The following ANKH variants were observed in gnomAD, a reference collection of about 807,000 sequenced individuals.
ANKH encodes the protein ANKH inorganic pyrophosphate transport regulator, also known as mineralization regulator ANKH.
Under a neutral mutation model 49.0 loss-of-function variants are expected in ANKH, and 15 were observed. That is an observed-to-expected ratio of 0.31 (90% CI 0.20 to 0.47). The LOEUF is 0.47. Ranked by LOEUF, ANKH falls within the 20% of genes least tolerant of loss-of-function variation. ANKH has a pLI of 1.00. For synonymous variants in ANKH, 273 were observed against 260.0 expected (o/e 1.05, Z -0.48); for missense variants, 429 against 652.0 (o/e 0.66, Z 3.72).
At chr5:14,746,944 A>G (rs1403917828) in intron 6 of ANKH, among the ~76,000 whole-genome samples, 1 of 152,188 alleles carries the variant, frequency 6.6e-6, no homozygotes, top group Non-Finnish European at 1.5e-5. Flanking sequence ...ACCCAGGTCC[A>G]CCTGACTCCA....
chr5:14,811,967 T>A (rs916093276), intron 1 of ANKH, among the ~76,000 whole-genome samples: 1 of 152,122 alleles, frequency 6.6e-6, no homozygotes, highest in Admixed American at 6.5e-5. Flanking sequence ...CTTTTAGAAG[T>A]CTGAATGTAG....
intron 1 of ANKH, among the ~76,000 whole-genome samples, chr5:14,822,978 G>A (rs1473891772): frequency 6.6e-6 from 1 of 151,562 alleles, no homozygotes; most frequent in Non-Finnish European, 1.5e-5. Flanking sequence ...AGCTTGCAGT[G>A]AGCCGAGATC....
At chr5:14,815,525 G>A (rs1184398383) in intron 1 of ANKH, among the ~76,000 whole-genome samples, 1 of 152,202 alleles carries the variant, frequency 6.6e-6, no homozygotes, top group East Asian at 1.9e-4. Context: ...TATGGATGAT[G>A]TGGAGGTCCA....
intron 1 of ANKH, among the ~76,000 whole-genome samples, chr5:14,800,409 G>A (rs1029526169): frequency 8.5e-5 from 13 of 152,228 alleles, no homozygotes; most frequent in African/African-American, 2.7e-4. Flanking sequence ...CTATCAAACA[G>A]CATTTCATGC....
At chr5:14,746,256 C>G (rs1561035444) in intron 6 of ANKH, among the ~76,000 whole-genome samples, 1 of 151,592 alleles carries the variant, frequency 6.6e-6, no homozygotes, top group Non-Finnish European at 1.5e-5. Flanking sequence ...CAATGAGAAA[C>G]AGGTGCAGAC....
At chr5:14,731,482 GCTCT>G (rs1280789934) in intron 8 of ANKH, among the ~76,000 whole-genome samples, 2 of 152,162 alleles carry the variant, frequency 1.3e-5, no homozygotes, top group Non-Finnish European at 2.9e-5. Context: ...CCAAACCCCA[GCTCT>G]CTCTCTGCCT....
chr5:14,708,901 T>G lies in ANKH; in HGVS notation c.*2296A>C, dbSNP rs369910464. The stretch of plus-strand genomic sequence containing the variant: ...CTGGATTTAGAGGGAAAGGATTTTT[T>G]TTTTTTTTGAGATGGAGTTTTGCTC... On this transcript the variant is annotated 3_prime_UTR_variant, in exon 12 of 12. Transcript: ENST00000284268. 2 of 152,154 alleles carry G rather than the reference T, an allele frequency of 1.3e-5. No homozygotes were observed. Among genetic ancestry groups the G allele is most frequent in the South Asian group, 4.2e-4 (2 of 4,818 alleles). The allele number at this position is 152,154 out of a possible 1,614,324, so 9.4% of individuals were successfully genotyped here. A position where few individuals can be genotyped will look rare whatever the true frequency, so the allele number is the denominator to read the frequency against.
intron 4 of ANKH, among the ~76,000 whole-genome samples, chr5:14,753,592 C>T (rs1332461209): frequency 6.6e-6 from 1 of 152,136 alleles, no homozygotes; most frequent in Non-Finnish European, 1.5e-5. Flanking sequence ...ACAATTCTCA[C>T]CTTGATATCA....
chr5:14,818,644 CAAAAAAAAAAAAA>C (rs34629052), intron 1 of ANKH, among the ~76,000 whole-genome samples: 1 of 64,906 alleles, frequency 1.5e-5, no homozygotes, highest in South Asian at 7.3e-4. Context: ...AACTCCATCT[CAAAAAAAAAAAAA>C]AAAAAAAAAA....
In ANKH at chr5:14,731,241, C is replaced by T. The variant is rs117567712; in HGVS notation, c.1011+10586G>A. 5.2e-3 allele frequency among the ~76,000 whole-genome samples: 790 copies of T among 152,192 alleles called. 40 individuals carry two copies. The East Asian group carries it at 0.11, about 22-fold the overall frequency. ...ATCGGCCATGGCTAGGAGGGAGAGG[C>T]GGGCTGAAGGGGCAGCCTGGTGCAC... On this transcript the variant is annotated intron_variant, in intron 8 of 11. Transcript: ENST00000284268.
At chr5:14,756,681 AAC>A (rs1738895830) in intron 3 of ANKH, among the ~76,000 whole-genome samples, 1 of 152,176 alleles carries the variant, frequency 6.6e-6, no homozygotes, top group South Asian at 2.1e-4. Flanking sequence ...CCCATCTGCA[AAC>A]ACAGCTGTGG....
chr5:14,765,291 T>C (rs1739223493), intron 2 of ANKH, among the ~76,000 whole-genome samples: 1 of 152,204 alleles, frequency 6.6e-6, no homozygotes, highest in African/African-American at 2.4e-5. Flanking sequence ...GCAATTTGGG[T>C]ATCTAGAGCC....
At chr5:14,719,086 G>C (rs972564577) in intron 8 of ANKH, among the ~76,000 whole-genome samples, 2 of 152,218 alleles carry the variant, frequency 1.3e-5, no homozygotes, top group African/African-American at 2.4e-5. Context: ...CCATCCGGGG[G>C]AGGTGGTGCA....
intron 1 of ANKH, among the ~76,000 whole-genome samples, chr5:14,845,795 A>G (rs1257796059): frequency 6.7e-6 from 1 of 150,172 alleles, no homozygotes; most frequent in African/African-American, 2.5e-5. Flanking sequence ...AAGGTAACAG[A>G]TCACTACGTC....
intron 1 of ANKH, among the ~76,000 whole-genome samples, chr5:14,843,549 G>GAAAAAAAAAAAAAAAAAAAAAA (rs60487783): frequency 1.6e-5 from 1 of 61,034 alleles, no homozygotes; most frequent in Non-Finnish European, 2.9e-5. Flanking sequence ...GGGGATTAGC[G>GAAAAAAAAAAAAAAAAAAAAAA]AAAAAAAAAA....
Position 14,798,481 on chromosome 5 carries a change from C to T in ANKH, c.97-29290G>A, listed in dbSNP as rs561013862. ...AGGCTGCAGGCGTTCGCTCTGCGCACGCGGTCTCTATTTTTTTTTTTAATT... is the reference window on the plus strand; with the variant it reads ...AGGCTGCAGGCGTTCGCTCTGCGCATGCGGTCTCTATTTTTTTTTTTAATT... On this transcript the variant is annotated intron_variant, in intron 1 of 11. Coordinates refer to ENST00000284268, the MANE Select transcript of ANKH (RefSeq NM_054027.6). The T allele has an allele frequency of 6.7e-5, 69 of 1,027,040 alleles. 1 individual carries two copies. In the East Asian group the frequency reaches 6.8e-4, roughly 10 times the overall value. 63.6% of individuals were successfully genotyped at this position (1,027,040 alleles called of 1,614,324 possible). A position where few individuals can be genotyped will look rare whatever the true frequency, so the allele number is the denominator to read the frequency against.
At position 14,710,323 on chromosome 5, in the gene ANKH, T is replaced by C. The variant is rs941953024; in HGVS notation, c.*874A>G. 1 of 152,228 alleles carries C rather than the reference T, an allele frequency of 6.6e-6. No individual in the cohort carries two copies. The highest frequency in any genetic ancestry group is 1.5e-5 in the Non-Finnish European group (1 of 68,050). 9.4% of individuals were successfully genotyped at this position (152,228 alleles called of 1,614,324 possible). ...GGATGCTCCATGTGACTCGCTCTAA[T>C]GCGACCTTCAGGAAAGGCGAGGGAA... is the stretch of plus-strand genomic sequence containing the variant. On this transcript the variant is annotated 3_prime_UTR_variant, in exon 12 of 12. Transcript: ENST00000284268.
chr5:14,776,071 C>T (rs922563347), intron 1 of ANKH, among the ~76,000 whole-genome samples: 1 of 152,218 alleles, frequency 6.6e-6, no homozygotes, highest in Non-Finnish European at 1.5e-5. Flanking sequence ...CTGGCTCATG[C>T]TTCCCACGTT....
At chr5:14,856,983 G>A (rs1735286908) in intron 1 of ANKH, among the ~76,000 whole-genome samples, 1 of 152,176 alleles carries the variant, frequency 6.6e-6, no homozygotes, top group Non-Finnish European at 1.5e-5. Context: ...AACTTCCTGA[G>A]CACCAGTGAA....
Sources: gnomAD v4.1 joint callset for allele counts (sites outside exome capture counted in the v4.1 genomes callset) on GRCh38, gnomAD v4.1.1 for gene constraint, MANE v1.5 for transcripts, NCBI Gene and HGNC (gene_info 2026-07-23, HGNC 2026-07-21) for gene names.